RALYL: variants seen among roughly 807,000 people sequenced by gnomAD.
The protein encoded by RALYL is RNA-binding Raly-like protein.
In RALYL, 29 loss-of-function variants were observed where a neutral mutation model predicts 35.1. That is an observed-to-expected ratio of 0.83 (90% CI 0.61 to 1.13). The LOEUF is 1.13. Ranked by LOEUF, RALYL falls within the 50% of genes most tolerant of loss-of-function variation. The pLI is 0.00. For missense variants in RALYL, 359 were observed against 360.4 expected, an observed-to-expected ratio of 1.00 and a Z score of 0.03; for synonymous variants, 120 against 127.6, an observed-to-expected ratio of 0.94 and a Z score of 0.40.
chr8:84,871,861 TATC>T (rs1220350656), intron 6 of RALYL, among the ~76,000 whole-genome samples: 18 of 152,220 alleles, frequency 1.2e-4, no homozygotes, highest in Non-Finnish European at 2.4e-4. Flanking sequence ...ATCCATAACA[TATC>T]ATGTATATTA....
At chr8:84,401,677 T>G (rs1258228316) in intron 1 of RALYL, among the ~76,000 whole-genome samples, 2 of 141,790 alleles carry the variant, frequency 1.4e-5, no homozygotes, top group Non-Finnish European at 3.1e-5. Context: ...AAGACCTTAC[T>G]ATTAGCATTT....
intron 2 of RALYL, among the ~76,000 whole-genome samples, chr8:84,738,819 G>A (rs982242840): frequency 6.6e-6 from 1 of 151,972 alleles, no homozygotes; most frequent in Non-Finnish European, 1.5e-5. Flanking sequence ...AACCGTAACT[G>A]CCCGAACCTA....
intron 1 of RALYL, among the ~76,000 whole-genome samples, chr8:84,469,049 A>AT (rs547436702): frequency 7.9e-5 from 12 of 151,312 alleles, no homozygotes; most frequent in Non-Finnish European, 1.6e-4. Flanking sequence ...ATTCTTCTAA[A>AT]TTTTTTTTCA....
chr8:84,304,850 A>T (rs1188792359), intron 1 of RALYL, among the ~76,000 whole-genome samples: 1 of 152,236 alleles, frequency 6.6e-6, no homozygotes, highest in African/African-American at 2.4e-5. Flanking sequence ...GTACATTGAG[A>T]TAAGAATATT....
At chr8:84,692,420 G>T (rs1272590973) in intron 2 of RALYL, among the ~76,000 whole-genome samples, 1 of 151,818 alleles carries the variant, frequency 6.6e-6, no homozygotes, top group Non-Finnish European at 1.5e-5. Flanking sequence ...ATTTTAAAGG[G>T]GTATCACTTA....
Position 84,610,500 on chromosome 8 carries a change from T to G in RALYL, c.256+80923T>G, listed in dbSNP as rs1380967638. 2.6e-5 allele frequency among the ~76,000 whole-genome samples: 4 copies of G among 152,174 alleles called. No individual in the cohort carries two copies. The East Asian group carries it at 5.8e-4, about 22-fold the overall frequency. ...TGATTTATAACTGTTGGTGCTGATCTGGATCAACCAGCTGAAGTAGTGTTT... is the reference window on the plus strand; with the variant it reads ...TGATTTATAACTGTTGGTGCTGATCGGGATCAACCAGCTGAAGTAGTGTTT... On this transcript the variant is annotated intron_variant, in intron 2 of 8. Transcript: ENST00000521268.
intron 2 of RALYL, among the ~76,000 whole-genome samples, chr8:84,604,589 T>A (rs924555571): frequency 2.0e-5 from 3 of 152,180 alleles, no homozygotes; most frequent in Non-Finnish European, 4.4e-5. Context: ...TTAAAGTATT[T>A]CTGTAAACAT....
intron 1 of RALYL, among the ~76,000 whole-genome samples, chr8:84,298,436 C>T (rs535589137): frequency 6.2e-4 from 95 of 152,044 alleles, no homozygotes; most frequent in African/African-American, 2.2e-3. Flanking sequence ...GTATTTGTGC[C>T]ATGCTGTTTT....
At chr8:84,446,964 C>T (rs1000477548) in intron 1 of RALYL, among the ~76,000 whole-genome samples, 2 of 152,016 alleles carry the variant, frequency 1.3e-5, no homozygotes, top group African/African-American at 4.8e-5. Flanking sequence ...CACACGCTAC[C>T]GAGCATTTTG....
rs556013444 is a variant in RALYL, at chr8:84,701,246, C to A, written c.257-73333C>A. ...TTGGAAGCCCTGATTGAAGCCCCTG[C>A]TGGGAGTACATGGTCCAAGTTGCAT... On this transcript the variant is annotated intron_variant, in intron 2 of 8. Transcript: ENST00000521268. Among the ~76,000 whole-genome samples, 19 of 152,260 alleles carry A rather than the reference C, an allele frequency of 1.2e-4. No individual in the cohort carries two copies. The South Asian group carries it at 3.1e-3, about 25-fold the overall frequency.
intron 1 of RALYL, among the ~76,000 whole-genome samples, chr8:84,394,813 T>G (rs1401788226): frequency 6.6e-6 from 1 of 151,930 alleles, no homozygotes; most frequent in Non-Finnish European, 1.5e-5. Context: ...TCCAAATATT[T>G]TTTCCCAAGT....
intron 4 of RALYL, among the ~76,000 whole-genome samples, chr8:84,835,491 C>A (rs556995968): frequency 8.4e-5 from 11 of 130,966 alleles, no homozygotes; most frequent in Admixed American, 4.2e-4. Context: ...ATGGAGAAAC[C>A]CTGTCTCTAC....
chr8:84,824,553 C>T (rs939450438), intron 4 of RALYL, among the ~76,000 whole-genome samples: 4 of 152,016 alleles, frequency 2.6e-5, no homozygotes, highest in Non-Finnish European at 2.9e-5. Flanking sequence ...CCTGAATATC[C>T]AAAACAATCC....
At chr8:84,857,171 T>G (rs939731809) in intron 5 of RALYL, among the ~76,000 whole-genome samples, 32 of 151,992 alleles carry the variant, frequency 2.1e-4, no homozygotes, top group Non-Finnish European at 2.5e-4. Flanking sequence ...AAAGGAAGGC[T>G]GGAGGTTGAA....
chr8:84,454,630 G>A (rs2049927229), intron 1 of RALYL, among the ~76,000 whole-genome samples: 1 of 152,100 alleles, frequency 6.6e-6, no homozygotes, highest in South Asian at 2.1e-4. Flanking sequence ...CCTCTTTGGT[G>A]CTCTCCTTCA....
At chr8:84,235,761 C>CTTTTTTTTTTTTTTTTTTTTTTTTTTTT in intron 1 of RALYL, among the ~76,000 whole-genome samples, 1 of 138,214 alleles carries the variant, frequency 7.2e-6, no homozygotes, top group African/African-American at 2.8e-5. Context: ...TTTTCTTTTT[C>CTTTTTTTTTTTTTTTTTTTTTTTTTTTT]TTTTTCTTTT....
intron 2 of RALYL, among the ~76,000 whole-genome samples, chr8:84,621,051 G>A (rs1355925447): frequency 6.6e-6 from 1 of 152,190 alleles, no homozygotes; most frequent in East Asian, 1.9e-4. Flanking sequence ...CTTTTTGTTT[G>A]TGCCCTGCCC....
intron 2 of RALYL, among the ~76,000 whole-genome samples, chr8:84,608,257 G>A (rs919384840): frequency 6.6e-6 from 1 of 152,108 alleles, no homozygotes; most frequent in Non-Finnish European, 1.5e-5. Flanking sequence ...AGGGTAAACT[G>A]TTGGTGGATG....
At chr8:84,739,355 CA>C (rs199919008) in intron 2 of RALYL, among the ~76,000 whole-genome samples, 2,556 of 150,224 alleles carry the variant, frequency 0.017, 175 homozygotes, top group Admixed American at 0.13. Context: ...AGTTTAGTAT[CA>C]AAAAAAACTA....
Sources: allele counts gnomAD v4.1 joint callset (sites outside exome capture counted in the v4.1 genomes callset), GRCh38; gene constraint gnomAD v4.1.1; transcripts MANE v1.5; gene names NCBI Gene and HGNC (gene_info 2026-07-23, HGNC 2026-07-21).